The following GRIN3A variants were observed in gnomAD, a reference collection of about 807,000 sequenced individuals.
The protein encoded by GRIN3A is glutamate receptor ionotropic, NMDA 3A.
Under a neutral mutation model 92.4 loss-of-function variants are expected in GRIN3A, and 47 were observed. The observed-to-expected ratio is 0.51, with a 90% CI of 0.40 to 0.65. GRIN3A has a LOEUF of 0.65. GRIN3A is among the 30% of genes least tolerant of loss of function. GRIN3A has a pLI of 0.00. For missense variants in GRIN3A, 1,324 were observed against 1,393.1 expected (o/e 0.95, Z 0.79); for synonymous variants, 527 against 540.6 (o/e 0.97, Z 0.35).
chr9:101,732,392 A>G (rs983572451), intron 1 of GRIN3A, among the ~76,000 whole-genome samples: 1 of 152,220 alleles, frequency 6.6e-6, no homozygotes, highest in Non-Finnish European at 1.5e-5. Flanking sequence ...ACATTTCTCA[A>G]ATATCTTGGG....
rs757322475 is a variant in GRIN3A, at chr9:101,686,937, G to A, written c.963C>T (p.Ser321=). The A allele has an allele frequency of 6.2e-6, 10 of 1,614,214 alleles. No homozygotes were observed. The South Asian group carries it at 1.1e-4, about 18-fold the overall frequency. ...LQIQLESIKN[S]TPTVVMFGCD... is the part of the protein sequence containing the mutation. Reference sequence around the variant, plus strand: ...AGCCAAACATCACCACTGTGGGTGTGCTGTTCTTAATACTCTCAAGCTGGA... The same window carrying A: ...AGCCAAACATCACCACTGTGGGTGTACTGTTCTTAATACTCTCAAGCTGGA... Residue 321 remains serine (S), a synonymous_variant, in exon 2 of 9, where the codon AGC becomes AGT. Transcript: ENST00000361820.
chr9:101,712,643 C>G (rs936841525), intron 1 of GRIN3A, among the ~76,000 whole-genome samples: 24 of 152,140 alleles, frequency 1.6e-4, no homozygotes, highest in African/African-American at 5.8e-4. Context: ...AGTAAAATAT[C>G]AAATAAGACA....
chr9:101,738,249 T>G lies in GRIN3A; in HGVS notation c.-270A>C. 31 of 476,300 alleles carry G rather than the reference T, an allele frequency of 6.5e-5. No individual in the cohort carries two copies. The highest frequency in any genetic ancestry group is 1.6e-4 in the East Asian group (4 of 24,372). 29.5% of individuals were successfully genotyped at this position (476,300 alleles called of 1,614,324 possible). ...GCAGGCAGGCGGGCGGGCCGGCGCC[T>G]GTCACCCGCAGCTGGAGCGCCCGTT... On this transcript the variant is annotated 5_prime_UTR_variant, in exon 1 of 9. Coordinates refer to ENST00000361820, the MANE Select transcript of GRIN3A (RefSeq NM_133445.3).
intron 6 of GRIN3A, among the ~76,000 whole-genome samples, chr9:101,610,990 C>T (rs770549010): frequency 2.6e-4 from 39 of 150,990 alleles, no homozygotes; most frequent in Admixed American, 6.6e-5. Flanking sequence ...CCCAGCTACT[C>T]GGGAGGCTGA....
At chr9:101,656,416 GCTTGTTAAGAGGGAAT>G (rs1829088931) in intron 3 of GRIN3A, among the ~76,000 whole-genome samples, 1 of 151,886 alleles carries the variant, frequency 6.6e-6, no homozygotes, top group Non-Finnish European at 1.5e-5. Context: ...GGAACATTAA[GCTTGTTAAGAGGGAAT>G]AGAACCAATT....
chr9:101,723,433 C>T (rs978975871), intron 1 of GRIN3A, among the ~76,000 whole-genome samples: 4 of 152,148 alleles, frequency 2.6e-5, no homozygotes, highest in Admixed American at 6.5e-5. Context: ...GTGAGTGTTA[C>T]AGCTCATAAA....
intron 2 of GRIN3A, among the ~76,000 whole-genome samples, chr9:101,677,370 A>T (rs1292494412): frequency 6.7e-6 from 1 of 149,850 alleles, no homozygotes; most frequent in East Asian, 2.0e-4. Context: ...TTTTTTCTGA[A>T]TTTTTTGTTT....
In GRIN3A at chr9:101,573,271, T is replaced by G; in HGVS notation, c.3251A>C (p.Lys1084Thr). The change falls in exon 9 of 9, where the codon AAG (lysine) becomes ACG (threonine). Residue 1084 changes from lysine to threonine, a missense_variant. Transcript: ENST00000361820. The stretch of plus-strand genomic sequence containing the variant: ...CTCCTGACGGATCACCTGAATCTGC[T>G]TCTCGAGCTCTGAGAGTTCCTGCAT... ...SVMQELSELE[K>T]QIQVIRQELQ... is the part of the protein sequence containing the mutation. 1 of 1,614,098 alleles carries G rather than the reference T, an allele frequency of 6.2e-7. No homozygotes were observed. The highest frequency in any genetic ancestry group is 1.1e-5 in the South Asian group (1 of 91,080).
intron 3 of GRIN3A, among the ~76,000 whole-genome samples, chr9:101,653,649 A>T (rs376465237): frequency 3.3e-5 from 5 of 151,860 alleles, no homozygotes; most frequent in African/African-American, 1.2e-4. Flanking sequence ...GTATCTGAGA[A>T]CTGCTATTTA....
At chr9:101,595,063 CAGGGGAGCGGAGGG>C in intron 6 of GRIN3A, 2 of 822,042 alleles carry the variant, frequency 2.4e-6, no homozygotes, top group Non-Finnish European at 3.6e-6. Flanking sequence ...AGCAAAAGGG[CAGGGGAGCGGAGGG>C]AGGGGCGGCA....
At chr9:101,615,765 C>T (rs1403418777) in intron 5 of GRIN3A, among the ~76,000 whole-genome samples, 1 of 152,124 alleles carries the variant, frequency 6.6e-6, no homozygotes, top group Non-Finnish European at 1.5e-5. Flanking sequence ...TGTCCTAGTA[C>T]TTATTATTAG....
At chr9:101,648,061 G>A (rs1018140957) in intron 3 of GRIN3A, among the ~76,000 whole-genome samples, 1 of 151,582 alleles carries the variant, frequency 6.6e-6, no homozygotes, top group Non-Finnish European at 1.5e-5. Context: ...GTTCGTTGAG[G>A]TGCATTATTT....
chr9:101,671,473 T>C (rs1341542071), intron 2 of GRIN3A, among the ~76,000 whole-genome samples: 1 of 152,212 alleles, frequency 6.6e-6, no homozygotes, highest in Non-Finnish European at 1.5e-5. Context: ...TCAGCATCTT[T>C]AACATATCCT....
intron 2 of GRIN3A, among the ~76,000 whole-genome samples, chr9:101,683,149 A>G (rs1829484213): frequency 6.6e-6 from 1 of 152,218 alleles, no homozygotes; most frequent in Non-Finnish European, 1.5e-5. Flanking sequence ...ACCTGTAATT[A>G]TGTGTGTGTA....
At chr9:101,598,903 C>A (rs1333431906) in intron 6 of GRIN3A, among the ~76,000 whole-genome samples, 1 of 152,198 alleles carries the variant, frequency 6.6e-6, no homozygotes, top group East Asian at 1.9e-4. Flanking sequence ...GCCCATCAGG[C>A]ACTCTTATGG....
chr9:101,664,283 A>C (rs953092017), intron 3 of GRIN3A, among the ~76,000 whole-genome samples: 1 of 151,938 alleles, frequency 6.6e-6, no homozygotes, highest in African/African-American at 2.4e-5. Context: ...TATTTTCTGC[A>C]TTGCCTATAA....
chr9:101,614,609 CTTTTTT>C (rs754003481), intron 5 of GRIN3A, among the ~76,000 whole-genome samples: 12 of 83,066 alleles, frequency 1.4e-4, no homozygotes, highest in Non-Finnish European at 2.5e-4. Flanking sequence ...ATATGTGATA[CTTTTTT>C]TTTTTTTTTT....
intron 5 of GRIN3A, among the ~76,000 whole-genome samples, chr9:101,621,223 T>G (rs1343440170): frequency 2.0e-5 from 3 of 150,746 alleles, no homozygotes; most frequent in Non-Finnish European, 4.4e-5. Flanking sequence ...AGGCAGAGGT[T>G]GCAGTGAGCT....
At chr9:101,731,053 C>T (rs1830133013) in intron 1 of GRIN3A, among the ~76,000 whole-genome samples, 1 of 152,064 alleles carries the variant, frequency 6.6e-6, no homozygotes, top group African/African-American at 2.4e-5. Context: ...AATATATCCT[C>T]ATTTTGAATG....
Sources: allele counts gnomAD v4.1 joint callset (sites outside exome capture counted in the v4.1 genomes callset), GRCh38; gene constraint gnomAD v4.1.1; transcripts MANE v1.5; gene names NCBI Gene and HGNC (gene_info 2026-07-23, HGNC 2026-07-21).